Variants in FBXL7 observed in about 807,000 individuals in gnomAD.
FBXL7 encodes F-box/LRR-repeat protein 7.
Under a neutral mutation model 38.3 loss-of-function variants are expected in FBXL7, and 12 were observed. The ratio of observed to expected loss-of-function variants is 0.31; its 90% CI spans 0.20 to 0.51. The LOEUF (loss-of-function observed/expected upper bound fraction) is 0.51. Among genes scored for constraint, FBXL7 ranks in the 20% least tolerant of loss-of-function variants. FBXL7 has a pLI of 0.98. For missense variants in FBXL7, 567 were observed against 676.4 expected, an observed-to-expected ratio of 0.84 and a Z score of 1.79; for synonymous variants, 297 against 300.9, an observed-to-expected ratio of 0.99 and a Z score of 0.13.
chr5:15,927,785 AAAGAAG>A, intron 2 of FBXL7, 99 bp from the exon 3 acceptor site: 1 of 801,038 alleles, frequency 1.2e-6, no homozygotes, highest in East Asian at 3.2e-5. Context: ...AAAAAAAAAA[AAAGAAG>A]AAGAAAGAAA....
intron 1 of FBXL7, among the ~76,000 whole-genome samples, chr5:15,560,713 C>G (rs1236706767): frequency 6.6e-6 from 1 of 152,152 alleles, no homozygotes; most frequent in Non-Finnish European, 1.5e-5. Context: ...TCCCTCTGTT[C>G]TTCTGCAATT....
intron 2 of FBXL7, among the ~76,000 whole-genome samples, chr5:15,906,463 A>G (rs1298452543): frequency 7.0e-6 from 1 of 142,186 alleles, no homozygotes; most frequent in Non-Finnish European, 1.5e-5. Context: ...TTTATGTAAC[A>G]TGTATTTTAC....
intron 2 of FBXL7, among the ~76,000 whole-genome samples, chr5:15,664,149 C>G (rs1012188739): frequency 2.0e-5 from 3 of 152,054 alleles, no homozygotes; most frequent in African/African-American, 7.2e-5. Flanking sequence ...TGGGGTTTCT[C>G]TAAGATGTAT....
At chr5:15,807,498 G>T (rs1737745579) in intron 2 of FBXL7, among the ~76,000 whole-genome samples, 1 of 152,148 alleles carries the variant, frequency 6.6e-6, no homozygotes, top group African/African-American at 2.4e-5. Flanking sequence ...GAGAGATCAT[G>T]CAGGGACAAA....
chr5:15,876,877 A>G (rs1047110519), intron 2 of FBXL7, among the ~76,000 whole-genome samples: 10 of 152,316 alleles, frequency 6.6e-5, no homozygotes, highest in Non-Finnish European at 4.4e-5. Flanking sequence ...ACTGAGCCCT[A>G]CTAGTGGGAG....
intron 2 of FBXL7, among the ~76,000 whole-genome samples, chr5:15,621,660 T>C (rs1483908042): frequency 6.6e-6 from 1 of 152,182 alleles, no homozygotes; most frequent in Non-Finnish European, 1.5e-5. Context: ...GCTCAGTCTT[T>C]TCTGGAGCTG....
intron 2 of FBXL7, among the ~76,000 whole-genome samples, chr5:15,696,637 G>A (rs958132133): frequency 6.6e-6 from 1 of 152,150 alleles, no homozygotes; most frequent in South Asian, 2.1e-4. Flanking sequence ...TTTAAATGGA[G>A]CCTTGTATTA....
At chr5:15,651,975 C>T (rs1182559694) in intron 2 of FBXL7, among the ~76,000 whole-genome samples, 1 of 152,254 alleles carries the variant, frequency 6.6e-6, no homozygotes, top group Non-Finnish European at 1.5e-5. Flanking sequence ...ACAGCATTTG[C>T]TGCTTCCTCT....
In FBXL7 at chr5:15,737,997, G is replaced by A. The variant is rs78456396; in HGVS notation, c.127+121925G>A. ...TGTAAAATCAGGAGGCTGAAAATGA[G>A]CATCAACATATGTGCCTGAATGACT... is the stretch of plus-strand genomic sequence containing the variant. On this transcript the variant is annotated intron_variant, in intron 2 of 3. Transcript: ENST00000504595. Among the ~76,000 whole-genome samples, 32 of 152,256 alleles carry A rather than the reference G, an allele frequency of 2.1e-4. 1 individual carries two copies. The East Asian group carries it at 5.8e-3, about 28-fold the overall frequency.
chr5:15,622,416 C>T (rs897342007), intron 2 of FBXL7, among the ~76,000 whole-genome samples: 1 of 152,044 alleles, frequency 6.6e-6, no homozygotes, highest in African/African-American at 2.4e-5. Flanking sequence ...AGGTATATCT[C>T]CTAATGCTAT....
intron 2 of FBXL7, among the ~76,000 whole-genome samples, chr5:15,877,097 A>G (rs932190574): frequency 1.3e-5 from 2 of 152,234 alleles, no homozygotes; most frequent in South Asian, 2.1e-4. Flanking sequence ...AGTTACTACC[A>G]AAGACAAATC....
At chr5:15,734,300 G>A (rs1043562647) in intron 2 of FBXL7, among the ~76,000 whole-genome samples, 3 of 152,274 alleles carry the variant, frequency 2.0e-5, no homozygotes, top group East Asian at 3.9e-4. Context: ...GCTGTACGCC[G>A]TCTCTTCTCT....
At chr5:15,919,871 C>T (rs1375346703) in intron 2 of FBXL7, among the ~76,000 whole-genome samples, 5 of 152,134 alleles carry the variant, frequency 3.3e-5, no homozygotes, top group Non-Finnish European at 1.5e-5. Flanking sequence ...TTTTCTCTCA[C>T]CCTGAAGGAC....
chr5:15,742,731 G>A lies in FBXL7; in HGVS notation c.127+126659G>A, dbSNP rs181738916. Among the ~76,000 whole-genome samples, 735 of 152,168 alleles carry A rather than the reference G, an allele frequency of 4.8e-3. 3 individuals carry two copies. The highest frequency in any genetic ancestry group is 7.6e-3 in the Non-Finnish European group (520 of 68,000). ...TATATTGAATTTTCCATAAAGTTTT[G>A]TATTAGTCCATTCCCACACTGCTAA... On this transcript the variant is annotated intron_variant, in intron 2 of 3. Transcript: ENST00000504595.
At chr5:15,895,595 T>C (rs1412622840) in intron 2 of FBXL7, among the ~76,000 whole-genome samples, 1 of 151,514 alleles carries the variant, frequency 6.6e-6, no homozygotes, top group African/African-American at 2.4e-5. Context: ...GCCTTACAAA[T>C]GATCACCCAT....
At chr5:15,929,420 A>G (rs1215372094) in intron 3 of FBXL7, among the ~76,000 whole-genome samples, 1 of 152,112 alleles carries the variant, frequency 6.6e-6, no homozygotes, top group Non-Finnish European at 1.5e-5. Context: ...GGAGTTAGAG[A>G]CGAGCCTGAG....
intron 2 of FBXL7, among the ~76,000 whole-genome samples, chr5:15,858,893 C>A (rs1420180070): frequency 6.6e-6 from 1 of 152,048 alleles, no homozygotes; most frequent in Non-Finnish European, 1.5e-5. Flanking sequence ...TGGCTATGAA[C>A]TAGGATATAA....
intron 2 of FBXL7, among the ~76,000 whole-genome samples, chr5:15,915,278 C>T (rs1741554131): frequency 6.6e-6 from 1 of 152,220 alleles, no homozygotes; most frequent in Non-Finnish European, 1.5e-5. Flanking sequence ...AACTAGGTGG[C>T]ATACAGCAAC....
At chr5:15,770,578 CAT>C (rs1332388234) in intron 2 of FBXL7, among the ~76,000 whole-genome samples, 2 of 152,160 alleles carry the variant, frequency 1.3e-5, no homozygotes, top group Admixed American at 6.5e-5. Context: ...CAGACTTTTT[CAT>C]ATGAGATGAA....
Sources: allele counts gnomAD v4.1 joint callset (sites outside exome capture counted in the v4.1 genomes callset), GRCh38; gene constraint gnomAD v4.1.1; transcripts MANE v1.5; gene names NCBI Gene and HGNC (gene_info 2026-07-23, HGNC 2026-07-21).